PLCE1: variants seen among roughly 807,000 people sequenced by gnomAD.
PLCE1 encodes the protein 1-phosphatidylinositol 4,5-bisphosphate phosphodiesterase epsilon-1.
PLCE1 carries 119 observed loss-of-function variants against 242.8 expected under a neutral mutation model. The observed-to-expected ratio is 0.49, with a 90% CI of 0.42 to 0.57. The LOEUF (loss-of-function observed/expected upper bound fraction) is 0.57, where lower values mean the gene tolerates loss of function less well. Among genes scored for constraint, PLCE1 ranks in the 20% least tolerant of loss-of-function variants. The pLI is 0.00. For synonymous variants in PLCE1, 945 were observed against 1,017.4 expected (o/e 0.93, Z 1.35); for missense variants, 2,441 against 2,788.8 (o/e 0.88, Z 2.81).
chr10:94,092,083 C>T (rs985372221), intron 2 of PLCE1, among the ~76,000 whole-genome samples: 7 of 152,206 alleles, frequency 4.6e-5, no homozygotes, highest in South Asian at 2.1e-4. Context: ...ATGCAAGGAA[C>T]GGAAAACCAA....
At chr10:94,106,076 T>G (rs1205674865) in intron 2 of PLCE1, 1 of 152,230 alleles carries the variant, frequency 6.6e-6, no homozygotes, top group Non-Finnish European at 1.5e-5. Flanking sequence ...ACTCAGGAAG[T>G]GTGGCTTCAC....
intron 32 of PLCE1, 106 bp downstream of exon 32, chr10:94,325,210 T>C (rs1021325861): frequency 1.1e-5 from 9 of 834,092 alleles, no homozygotes; most frequent in Admixed American, 2.0e-5. Flanking sequence ...CAGGAGGATG[T>C]CCCTTGAAGG....
rs35760715 is a variant in PLCE1, at chr10:94,158,854, C to CTTTTTTTTTTTTTTTT, written c.1493-12322_1493-12307dup. 3.9e-4 allele frequency among the ~76,000 whole-genome samples: 44 copies of CTTTTTTTTTTTTTTTT among 111,524 alleles called. 1 individual carries two copies. The highest frequency in any genetic ancestry group is 1.7e-3 in the East Asian group (6 of 3,502). 73.2% of individuals were successfully genotyped at this position (111,524 alleles called of 152,430 possible). ...TATTTTAAATTTTCTTCTTCTTTTT[C>CTTTTTTTTTTTTTTTT]TTTTTTTTTTTTTTTTTTTGAGACG... On this transcript the variant is annotated intron_variant, in intron 3 of 32. Transcript: ENST00000371380.
intron 2 of PLCE1, among the ~76,000 whole-genome samples, chr10:94,077,201 C>T (rs1175349160): frequency 6.6e-6 from 1 of 152,142 alleles, no homozygotes; most frequent in East Asian, 1.9e-4. Context: ...GTTTGGCCCC[C>T]GAGGTGACAC....
At chr10:94,033,443 A>T (rs1211525712) in intron 2 of PLCE1, among the ~76,000 whole-genome samples, 1 of 152,180 alleles carries the variant, frequency 6.6e-6, no homozygotes, top group Non-Finnish European at 1.5e-5. Context: ...CAACTGTAAT[A>T]GGATATGGAA....
At chr10:94,300,876 C>G (rs920283031) in intron 24 of PLCE1, among the ~76,000 whole-genome samples, 1 of 152,006 alleles carries the variant, frequency 6.6e-6, no homozygotes, top group Non-Finnish European at 1.5e-5. Context: ...GCCTGTCCAG[C>G]ATGGTGAAAC....
rs372816882 is a variant in PLCE1 at position 94,316,771 on chromosome 10, G to A, written c.6342+15G>A. 248 of 1,575,708 alleles carry A rather than the reference G, an allele frequency of 1.6e-4. No homozygotes were observed. The highest frequency in any genetic ancestry group is 2.0e-4 in the Non-Finnish European group (227 of 1,145,074). On this transcript the variant is annotated intron_variant, in intron 29 of 32. Coordinates refer to ENST00000371380, the MANE Select transcript of PLCE1 (RefSeq NM_016341.4). Reference sequence around the variant, plus strand: ...CCCAGCAGGAAGTAAGTGTGTCTGGGTGCAGCCTACACAGTAACGACTCAT... The same window carrying A: ...CCCAGCAGGAAGTAAGTGTGTCTGGATGCAGCCTACACAGTAACGACTCAT...
chr10:94,168,241 T>C (rs1296862677), intron 3 of PLCE1, among the ~76,000 whole-genome samples: 2 of 152,194 alleles, frequency 1.3e-5, no homozygotes, highest in South Asian at 2.1e-4. Flanking sequence ...ATGTGTCCTA[T>C]GAAGAGGAAA....
intron 4 of PLCE1, among the ~76,000 whole-genome samples, chr10:94,197,065 A>G (rs539924116): frequency 6.6e-6 from 1 of 152,278 alleles, no homozygotes; most frequent in Admixed American, 6.5e-5. Context: ...TATTCTGGAT[A>G]TTTTGTATAA....
At position 94,082,390 on chromosome 10, in the gene PLCE1, G is replaced by A. The variant is rs550641923; in HGVS notation, c.1207-49784G>A. ...CTACAATTCACAGTGGGCACGAGAT[G>A]AAAATAGAATGGTTGCTAGGGGGAT... is the stretch of plus-strand genomic sequence containing the variant. On this transcript the variant is annotated intron_variant, in intron 2 of 32. Transcript: ENST00000371380. Among the ~76,000 whole-genome samples, 25 of 152,328 alleles carry A rather than the reference G, an allele frequency of 1.6e-4. No homozygotes were observed. In the South Asian group the frequency reaches 5.2e-3, roughly 32 times the overall value.
intron 32 of PLCE1, chr10:94,325,450 C>A (rs1475493256): frequency 7.4e-6 from 2 of 268,704 alleles, no homozygotes; most frequent in Non-Finnish European, 1.4e-5. Context: ...ACAAAATTAG[C>A]TGGGCATGGT....
chr10:94,058,392 C>G (rs114809823), intron 2 of PLCE1, among the ~76,000 whole-genome samples: 129 of 152,272 alleles, frequency 8.5e-4, no homozygotes, highest in African/African-American at 3.0e-3. Context: ...CTGTGGAACT[C>G]TAGCCCTGGA....
chr10:94,011,898 C>CTA (rs1449362129), intron 1 of PLCE1, among the ~76,000 whole-genome samples: 2 of 152,126 alleles, frequency 1.3e-5, no homozygotes, highest in Non-Finnish European at 2.9e-5. Context: ...TGAATCATAT[C>CTA]ATACCAGGTG....
intron 2 of PLCE1, among the ~76,000 whole-genome samples, chr10:94,042,040 A>G (rs888266623): frequency 7.2e-5 from 11 of 152,186 alleles, no homozygotes; most frequent in African/African-American, 2.7e-4. Flanking sequence ...CACTGTGTCT[A>G]TAATTTGCAT....
At chr10:94,003,481 CTGTT>C (rs2060971624) in intron 1 of PLCE1, among the ~76,000 whole-genome samples, 1 of 152,164 alleles carries the variant, frequency 6.6e-6, no homozygotes, top group Non-Finnish European at 1.5e-5. Flanking sequence ...AGTTCATTAT[CTGTT>C]TGTTAATCAG....
chr10:94,308,423 G>A (rs1475711696), intron 26 of PLCE1, among the ~76,000 whole-genome samples, 158 bp from the exon 27 acceptor site: 2 of 152,212 alleles, frequency 1.3e-5, no homozygotes, highest in South Asian at 2.1e-4. Context: ...AACTCAGGGG[G>A]CAGCACTCTC....
chr10:94,232,410 C>CT (rs1248100155), intron 5 of PLCE1, among the ~76,000 whole-genome samples: 1 of 152,050 alleles, frequency 6.6e-6, no homozygotes, highest in Admixed American at 6.5e-5. Flanking sequence ...TTTTTTCTTC[C>CT]TTTTCCCTGC....
At chr10:94,275,539 T>C (rs1342922392) in intron 19 of PLCE1, among the ~76,000 whole-genome samples, 2 of 152,206 alleles carry the variant, frequency 1.3e-5, no homozygotes, top group African/African-American at 4.8e-5. Flanking sequence ...GACTGTCTGC[T>C]TTTCAAAAAT....
chr10:94,088,600 G>A (rs1324471615), intron 2 of PLCE1, among the ~76,000 whole-genome samples: 1 of 152,176 alleles, frequency 6.6e-6, no homozygotes, highest in Admixed American at 6.5e-5. Context: ...AACAAATACT[G>A]TCTTTCTTAG....
Sources: allele counts gnomAD v4.1 joint callset (sites outside exome capture counted in the v4.1 genomes callset), GRCh38; gene constraint gnomAD v4.1.1; transcripts MANE v1.5; gene names NCBI Gene and HGNC (gene_info 2026-07-23, HGNC 2026-07-21).